ERMP1: variants seen among roughly 807,000 people sequenced by gnomAD.
ERMP1 encodes the protein endoplasmic reticulum metallopeptidase 1, also known as Felix-ina.
ERMP1 carries 86 observed loss-of-function variants against 92.0 expected under a neutral mutation model. The ratio of observed to expected loss-of-function variants is 0.93; its 90% confidence interval spans 0.79 to 1.12. ERMP1 has a LOEUF of 1.12. Among genes scored for constraint, ERMP1 ranks in the 50% most tolerant of loss-of-function variants. The pLI is 0.00. For missense variants in ERMP1, 1,342 were observed against 1,116.3 expected, an observed-to-expected ratio of 1.20 and a Z score of -2.88; for synonymous variants, 530 against 412.8, an observed-to-expected ratio of 1.28 and a Z score of -3.44.
Position 5,799,671 on chromosome 9 carries a change from G to A in ERMP1, c.2068-663C>T, listed in dbSNP as rs552087297. Among the ~76,000 whole-genome samples the A allele has an allele frequency of 2.6e-5, 4 of 152,172 alleles. No individual in the cohort carries two copies. The East Asian group carries it at 5.8e-4, about 22-fold the overall frequency. ...TTGGGTATACTCTGTTGCTGCTTTC[G>A]CTCTGTTTCACTGCAACAGACTGTA... is the stretch of plus-strand genomic sequence containing the variant. On this transcript the variant is annotated intron_variant, in intron 11 of 14. Transcript: ENST00000339450.
intron 5 of ERMP1, among the ~76,000 whole-genome samples, chr9:5,861,203 G>GTGTA (rs1830484630): frequency 6.9e-6 from 1 of 145,834 alleles, no homozygotes; most frequent in African/African-American, 2.5e-5. Context: ...GTGTGTGTGT[G>GTGTA]TGTGTGTGTG....
chr9:5,808,397 G>A (rs1433130916), intron 8 of ERMP1, among the ~76,000 whole-genome samples: 1 of 152,188 alleles, frequency 6.6e-6, no homozygotes, highest in African/African-American at 2.4e-5. Context: ...TTTGGGAACT[G>A]AAGCCACTAA....
At position 5,801,362 on chromosome 9, in the gene ERMP1, A is replaced by G. The variant is rs764626058; in HGVS notation, c.1915-34T>C. 2.5e-6 allele frequency: 4 copies of G among 1,591,532 alleles called. No individual in the cohort carries two copies. The East Asian group carries it at 9.0e-5, about 36-fold the overall frequency. On this transcript the variant is annotated intron_variant, in intron 10 of 14. Transcript: ENST00000339450. ...CAAACCACAAACACAGAAATATTAC[A>G]AATTCATTCTAGTGGTGGAAAGGTG...
At chr9:5,812,613 C>A in intron 5 of ERMP1, 1 of 478,402 alleles carries the variant, frequency 2.1e-6, no homozygotes, top group Non-Finnish European at 3.8e-6. Flanking sequence ...ACGAAAGACC[C>A]CTGAAGGATC....
chr9:5,795,971 A>G (rs895107342), intron 13 of ERMP1, among the ~76,000 whole-genome samples: 1 of 152,106 alleles, frequency 6.6e-6, no homozygotes, highest in African/African-American at 2.4e-5. Context: ...ATACATTAGC[A>G]CCCCCAAAAA....
chr9:5,854,298 A>G (rs530991335), intron 6 of ERMP1, among the ~76,000 whole-genome samples: 3 of 152,264 alleles, frequency 2.0e-5, no homozygotes, highest in South Asian at 2.1e-4. Context: ...TAGAAAAAAA[A>G]TAAAGATTTT....
intron 4 of ERMP1, among the ~76,000 whole-genome samples, chr9:5,822,726 T>C (rs573229840): frequency 2.2e-4 from 34 of 152,304 alleles, no homozygotes; most frequent in African/African-American, 7.7e-4. Flanking sequence ...GGAAATGGAA[T>C]GGAACTTCCA....
chr9:5,787,367 G>A (rs1043163275), intron 14 of ERMP1, 59 bp from the exon 15 acceptor site: 10 of 1,602,282 alleles, frequency 6.2e-6, no homozygotes, highest in Non-Finnish European at 8.5e-6. Flanking sequence ...TGAACCCAAG[G>A]TTCTTGCTAA....
intron 13 of ERMP1, among the ~76,000 whole-genome samples, chr9:5,796,589 C>T (rs947750053): frequency 6.6e-6 from 1 of 152,118 alleles, no homozygotes; most frequent in Non-Finnish European, 1.5e-5. Context: ...TGGAGGATCC[C>T]TTAAATGCAT....
intron 3 of ERMP1, 37 bp from the exon 4 acceptor site, chr9:5,824,038 CA>C (rs1428882981): frequency 6.6e-7 from 1 of 1,525,614 alleles, no homozygotes; most frequent in Non-Finnish European, 9.1e-7. Flanking sequence ...ATTTGTTAAA[CA>C]ATCTTAAATT....
intron 8 of ERMP1, among the ~76,000 whole-genome samples, chr9:5,809,278 C>T (rs992795747): frequency 1.3e-5 from 2 of 152,204 alleles, no homozygotes; most frequent in South Asian, 2.1e-4. Flanking sequence ...CCTCAGCCTC[C>T]CAAAGTGCTG....
intron 4 of ERMP1, among the ~76,000 whole-genome samples, chr9:5,813,846 G>T (rs1006554177): frequency 2.7e-5 from 4 of 148,328 alleles, no homozygotes; most frequent in African/African-American, 9.8e-5. Flanking sequence ...GGGATACATT[G>T]TTTTATAATT....
At chr9:5,861,170 G>GGTGT (rs35593711) in intron 5 of ERMP1, among the ~76,000 whole-genome samples, 8,734 of 101,306 alleles carry the variant, frequency 0.086, 355 homozygotes, top group South Asian at 0.1. Context: ...TGGCTTAGGG[G>GGTGT]GTGTGTGTGT....
intron 1 of ERMP1, among the ~76,000 whole-genome samples, chr9:5,832,018 G>A (rs1398820839): frequency 2.0e-5 from 3 of 151,534 alleles, no homozygotes; most frequent in African/African-American, 7.3e-5. Context: ...AACACTTCAT[G>A]AGCTTTGACA....
At chr9:5,826,783 T>C (rs1365134288) in intron 2 of ERMP1, among the ~76,000 whole-genome samples, 2 of 152,158 alleles carry the variant, frequency 1.3e-5, no homozygotes, top group Non-Finnish European at 2.9e-5. Flanking sequence ...TACTTTAAAA[T>C]AGAGAGCAAA....
chr9:5,793,233 ATG>A (rs1828277475), intron 13 of ERMP1, among the ~76,000 whole-genome samples: 1 of 151,726 alleles, frequency 6.6e-6, no homozygotes, highest in South Asian at 2.1e-4. Flanking sequence ...ATAGCTGTAA[ATG>A]TGTACTGCAA....
chr9:5,855,956 G>T (rs1199859273), intron 6 of ERMP1: 7 of 266,432 alleles, frequency 2.6e-5, no homozygotes, highest in African/African-American at 1.4e-4. Flanking sequence ...CAACTGCTTC[G>T]ATTTATCATC....
At chr9:5,802,254 T>G (rs1360463646) in intron 10 of ERMP1, among the ~76,000 whole-genome samples, 2 of 152,160 alleles carry the variant, frequency 1.3e-5, no homozygotes, top group East Asian at 3.8e-4. Flanking sequence ...TAGTACTGTT[T>G]TGCTGCAGAT....
chr9:5,820,901 TA>T (rs2131258128), intron 4 of ERMP1, among the ~76,000 whole-genome samples: 1 of 152,298 alleles, frequency 6.6e-6, no homozygotes, highest in South Asian at 2.1e-4. Context: ...GCAGTGGCAT[TA>T]AAAGTGACAG....
Sources: gnomAD v4.1 joint callset for allele counts (sites outside exome capture counted in the v4.1 genomes callset) on GRCh38, gnomAD v4.1.1 for gene constraint, MANE v1.5 for transcripts, NCBI Gene and HGNC (gene_info 2026-07-23, HGNC 2026-07-21) for gene names.